The following CUBN variants were observed in gnomAD, a reference collection of about 807,000 sequenced individuals.
CUBN encodes the protein cubilin, also known as 460 kDa receptor.
A neutral mutation model predicts 405.3 loss-of-function variants in CUBN; 282 were observed. The observed-to-expected ratio is 0.70, with a 90% CI of 0.63 to 0.77. CUBN has a LOEUF of 0.77. Ranked by LOEUF, CUBN falls within the 30% of genes least tolerant of loss-of-function variation. CUBN has a pLI of 0.00. For synonymous variants in CUBN, 1,684 were observed against 1,617.0 expected, an observed-to-expected ratio of 1.04 and a Z score of -0.99; for missense variants, 4,514 against 4,475.2, an observed-to-expected ratio of 1.01 and a Z score of -0.25.
At position 16,899,154 on chromosome 10, in the gene CUBN, C is replaced by G. The variant is rs146024483; in HGVS notation, c.8440G>C (p.Gly2814Arg). The G allele has an allele frequency of 1.2e-6, 2 of 1,613,724 alleles. No homozygotes were observed. The highest frequency in any genetic ancestry group is 2.7e-5 in the African/African-American group (2 of 74,888). The stretch of plus-strand genomic sequence containing the variant: ...GGCCAGTGAGGGGATCTGATTGTAC[C>G]ATTATCAGAATGAAATATTCCACCA... Reference protein sequence around the residue: ...GCGGIFHSDNGTIRSPHWPQN... With the variant: ...GCGGIFHSDNRTIRSPHWPQN... Residue 2814 changes from glycine to arginine, a missense_variant, in exon 54 of 67, where the codon GGT becomes CGT. Gly to Arg is a moderately radical substitution (Grantham distance 125). Coordinates refer to ENST00000377833, the MANE Select transcript of CUBN (RefSeq NM_001081.4).
chr10:16,904,257 G>A, intron 50 of CUBN, 142 bp from the exon 51 acceptor site: 1 of 804,666 alleles, frequency 1.2e-6, no homozygotes, highest in South Asian at 1.5e-5. Flanking sequence ...CACAATATTT[G>A]TGTGTCTCTG....
In CUBN at chr10:16,851,421, AC is replaced by A; in HGVS notation, c.9476del (p.Gly3159ValfsTer3). ...QTLGPQQGCG[G>X]YLTGSNNTFA... is the part of the protein sequence containing the mutation. ...AGGTATTATTCGAGCCTGTCAGATA[AC>A]CACCACATCCTTGCTGAGGCCCTGC... On this transcript the variant is annotated frameshift_variant, in exon 60 of 67. Transcript: ENST00000377833. LOFTEE classifies it high-confidence loss of function. 1 of 1,614,138 alleles carries A rather than the reference AC, an allele frequency of 6.2e-7. No individual in the cohort carries two copies. The highest frequency in any genetic ancestry group is 8.5e-7 in the Non-Finnish European group (1 of 1,180,010).
intron 60 of CUBN, 47 bp downstream of exon 60, chr10:16,851,188 A>G (rs1839672597): frequency 1.4e-6 from 2 of 1,437,002 alleles, no homozygotes; most frequent in African/African-American, 1.4e-5. Context: ...ACACTATATT[A>G]GAGTCTGGGA....
At chr10:17,091,923 T>C (rs1420570320) in intron 14 of CUBN, among the ~76,000 whole-genome samples, 4 of 152,222 alleles carry the variant, frequency 2.6e-5, no homozygotes, top group Non-Finnish European at 4.4e-5. Flanking sequence ...ACTCTGCCTA[T>C]GGAGTAGCCA....
At chr10:16,933,406 A>G in intron 39 of CUBN, 122 bp from the exon 40 acceptor site, 1 of 844,012 alleles carries the variant, frequency 1.2e-6, no homozygotes, top group Non-Finnish European at 1.9e-6. Context: ...ACAATTTCTC[A>G]GAGAAATCAA....
intron 55 of CUBN, among the ~76,000 whole-genome samples, chr10:16,889,441 C>T (rs1191806908): frequency 2.0e-5 from 3 of 152,212 alleles, no homozygotes; most frequent in African/African-American, 4.8e-5. Context: ...AACAGGCACA[C>T]ACCATTGCTT....
chr10:17,083,201 A>T (rs1002614164), intron 17 of CUBN, among the ~76,000 whole-genome samples: 1 of 152,090 alleles, frequency 6.6e-6, no homozygotes, highest in African/African-American at 2.4e-5. Flanking sequence ...TTAAATAAAA[A>T]TTTCTGGATT....
At chr10:17,001,481 T>C (rs934838025) in intron 28 of CUBN, among the ~76,000 whole-genome samples, 1 of 152,210 alleles carries the variant, frequency 6.6e-6, no homozygotes, top group African/African-American at 2.4e-5. Flanking sequence ...TACAAACTTT[T>C]AGCTAGCCAC....
chr10:16,958,932 T>C (rs1205158908), intron 31 of CUBN, among the ~76,000 whole-genome samples: 1 of 152,178 alleles, frequency 6.6e-6, no homozygotes, highest in Non-Finnish European at 1.5e-5. Context: ...TGCCAGCAAG[T>C]TACAGCCGGG....
At chr10:16,965,212 T>G (rs889537497) in intron 31 of CUBN, among the ~76,000 whole-genome samples, 1 of 152,192 alleles carries the variant, frequency 6.6e-6, no homozygotes, top group Non-Finnish European at 1.5e-5. Flanking sequence ...TACAACACCC[T>G]GAAATTTCCC....
chr10:16,908,399 C>T (rs1369130219), intron 48 of CUBN, among the ~76,000 whole-genome samples: 1 of 152,126 alleles, frequency 6.6e-6, no homozygotes, highest in Non-Finnish European at 1.5e-5. Context: ...CCTGCTTTGG[C>T]CTCCCAAAGT....
intron 14 of CUBN, among the ~76,000 whole-genome samples, chr10:17,090,058 G>C (rs1320299300): frequency 2.0e-5 from 3 of 152,156 alleles, no homozygotes; most frequent in Non-Finnish European, 4.4e-5. Context: ...TGAGGTTGCT[G>C]TGAGACACGA....
chr10:17,044,248 T>C (rs1015682370), intron 25 of CUBN, among the ~76,000 whole-genome samples: 4 of 145,182 alleles, frequency 2.8e-5, no homozygotes, highest in Admixed American at 1.4e-4. Flanking sequence ...TATTTATATA[T>C]GTATTAAATA....
At chr10:17,075,741 C>G (rs1200641517) in intron 17 of CUBN, among the ~76,000 whole-genome samples, 1 of 152,162 alleles carries the variant, frequency 6.6e-6, no homozygotes, top group African/African-American at 2.4e-5. Flanking sequence ...TTTCTCTGAG[C>G]TCTTACAACA....
At position 16,869,618 on chromosome 10, in the gene CUBN, C is replaced by A; in HGVS notation, c.9454+18G>T. 6.4e-7 allele frequency: 1 copy of A among 1,561,462 alleles called. No individual in the cohort carries two copies. Among genetic ancestry groups the A allele is most frequent in the Non-Finnish European group, 8.8e-7 (1 of 1,135,118 alleles). ...GTAACAGTCCTGACAAATAGATTTA[C>A]AAGTCCAGAATTCTTACCCAATGTC... On this transcript the variant is annotated intron_variant, in intron 59 of 66. Coordinates refer to ENST00000377833, the MANE Select transcript of CUBN (RefSeq NM_001081.4).
intron 65 of CUBN, among the ~76,000 whole-genome samples, chr10:16,829,939 T>TG (rs759063511): frequency 4.0e-4 from 57 of 143,090 alleles, no homozygotes; most frequent in Admixed American, 1.3e-3. Flanking sequence ...TTTTTTTTGT[T>TG]TTGTTTTTTT....
At chr10:17,077,359 T>C (rs1393767751) in intron 17 of CUBN, among the ~76,000 whole-genome samples, 3 of 152,198 alleles carry the variant, frequency 2.0e-5, no homozygotes, top group African/African-American at 7.2e-5. Flanking sequence ...AACTAAAATT[T>C]ACTTTGCTGA....
At position 16,984,585 on chromosome 10, in the gene CUBN, G is replaced by T. The variant is rs11254318; in HGVS notation, c.4351-306C>A. Among the ~76,000 whole-genome samples, 8,264 of 152,152 alleles carry T rather than the reference G, an allele frequency of 0.054. 319 individuals are homozygous for T. Among genetic ancestry groups the T allele is most frequent in the Non-Finnish European group, 0.083 (5,672 of 67,986 alleles). The stretch of plus-strand genomic sequence containing the variant: ...TATCTCCTCTTTTTGTCTTTTTCAT[G>T]TCTTTGTGGGCTTTCCTGCTTTCTC... On this transcript the variant is annotated intron_variant, in intron 29 of 66. Coordinates refer to ENST00000377833, the MANE Select transcript of CUBN (RefSeq NM_001081.4).
intron 31 of CUBN, among the ~76,000 whole-genome samples, chr10:16,972,240 C>T (rs1471452273): frequency 2.6e-5 from 4 of 152,082 alleles, no homozygotes; most frequent in Non-Finnish European, 5.9e-5. Flanking sequence ...TAAAATACTC[C>T]TAAAAGTGAT....
Sources: gnomAD v4.1 joint callset for allele counts (sites outside exome capture counted in the v4.1 genomes callset) on GRCh38, gnomAD v4.1.1 for gene constraint, MANE v1.5 for transcripts, NCBI Gene and HGNC (gene_info 2026-07-23, HGNC 2026-07-21) for gene names.